PCNX2: variants seen among roughly 807,000 people sequenced by gnomAD.
The protein encoded by PCNX2 is pecanex-like protein 2.
A neutral mutation model predicts 223.8 loss-of-function variants in PCNX2; 168 were observed. The observed-to-expected ratio is 0.75, with a 90% CI of 0.66 to 0.85. The LOEUF (loss-of-function observed/expected upper bound fraction) is 0.85. PCNX2 is among the 40% of genes least tolerant of loss of function. The probability of loss-of-function intolerance (pLI) is 0.00; values close to 1 mark genes in which losing one functional copy is unlikely to be tolerated. For missense variants in PCNX2, 2,507 were observed against 2,675.5 expected (o/e 0.94, Z 1.39); for synonymous variants, 1,006 against 1,052.6 (o/e 0.96, Z 0.86).
chr1:233,075,931 T>A (rs1390035199), intron 23 of PCNX2, among the ~76,000 whole-genome samples: 2 of 152,202 alleles, frequency 1.3e-5, no homozygotes, highest in Admixed American at 1.3e-4. Flanking sequence ...ATTCATTCAG[T>A]GGAAAGTCAT....
At chr1:233,053,653 AG>A (rs1009344469) in intron 25 of PCNX2, among the ~76,000 whole-genome samples, 5 of 152,242 alleles carry the variant, frequency 3.3e-5, no homozygotes, top group African/African-American at 9.6e-5. Context: ...AGAAGGCAAC[AG>A]GTACATCACT....
intron 25 of PCNX2, among the ~76,000 whole-genome samples, chr1:233,029,548 T>C (rs1009818768): frequency 2.0e-5 from 3 of 150,458 alleles, no homozygotes; most frequent in Admixed American, 2.0e-4. Context: ...GCCTGAAGAA[T>C]GCCTTTTAAA....
chr1:233,200,260 A>C lies in PCNX2; in HGVS notation c.2868T>G (p.Phe956Leu). The C allele has an allele frequency of 6.4e-7, 1 of 1,560,718 alleles. No homozygotes were observed. The highest frequency in any genetic ancestry group is 1.2e-5 in the South Asian group (1 of 84,598). Reference sequence around the variant, plus strand: ...GGGAAATAGCAGGGAAGCAATATAAAAATACTGAAAATGAACAAACAAAAT... The same window carrying C: ...GGGAAATAGCAGGGAAGCAATATAACAATACTGAAAATGAACAAACAAAAT... ...LQSARDYLIV[F>L]LYCFPAISLL... Residue 956 changes from phenylalanine to leucine, a missense_variant, in exon 14 of 34, where the codon TTT (phenylalanine) becomes TTG (leucine). Phe to Leu is a conservative substitution (Grantham distance 22). Transcript: ENST00000258229.
intron 19 of PCNX2, among the ~76,000 whole-genome samples, chr1:233,142,528 A>T (rs1028274284): frequency 6.6e-6 from 1 of 152,152 alleles, no homozygotes; most frequent in Non-Finnish European, 1.5e-5. Context: ...GCAAGATCCC[A>T]GTCTTCTCTG....
intron 22 of PCNX2, among the ~76,000 whole-genome samples, chr1:233,094,226 G>GC (rs1674031639): frequency 6.6e-6 from 1 of 152,126 alleles, no homozygotes; most frequent in African/African-American, 2.4e-5. Flanking sequence ...CAACAAATTT[G>GC]CATTAATCTA....
chr1:233,080,221 G>T (rs1005294692), intron 23 of PCNX2, among the ~76,000 whole-genome samples: 42 of 151,654 alleles, frequency 2.8e-4, no homozygotes, highest in Non-Finnish European at 4.9e-4. Flanking sequence ...ATGATTTTTT[G>T]GGGGGGCTGG....
intron 26 of PCNX2, among the ~76,000 whole-genome samples, chr1:233,018,224 T>C (rs919168911): frequency 8.6e-5 from 13 of 151,980 alleles, no homozygotes; most frequent in Admixed American, 4.6e-4. Flanking sequence ...AGACAGGATC[T>C]TGTTGCCCAG....
At chr1:233,313,130 G>A in the PCNX2 span, among the ~76,000 whole-genome samples, 1 of 152,200 alleles carries the variant, frequency 6.6e-6, no homozygotes, top group South Asian at 2.1e-4. Context: ...ATATGATTCT[G>A]TTTATATGAA....
rs1265921948 is a variant in PCNX2, at chr1:233,295,301, C to T, written c.153+25G>A. On this transcript the variant is annotated intron_variant, in intron 1 of 33. Transcript: ENST00000258229. The surrounding 1 kb of genome is among the most constrained non-coding windows in gnomAD (Gnocchi z 4.1). ...TTCTTCCCTCCATACCCACAGCTCC[C>T]CGGGACCGGACCCTCCCCACTCACC... The T allele has an allele frequency of 1.3e-6, 2 of 1,569,538 alleles. No individual in the cohort carries two copies. The highest frequency in any genetic ancestry group is 8.6e-7 in the Non-Finnish European group (1 of 1,157,054).
At chr1:232,987,277 G>T (rs539216189) in intron 32 of PCNX2, among the ~76,000 whole-genome samples, 1 of 152,344 alleles carries the variant, frequency 6.6e-6, no homozygotes, top group South Asian at 2.1e-4. Context: ...CAAAGATGTG[G>T]TTGTGTCCAT....
In PCNX2 at chr1:233,159,759, C is replaced by G. The variant is rs557367695; in HGVS notation, c.3517+524G>C. Among the ~76,000 whole-genome samples, 4 of 152,284 alleles carry G rather than the reference C, an allele frequency of 2.6e-5. No individual in the cohort carries two copies. In the South Asian group the frequency reaches 8.3e-4, roughly 32 times the overall value. The stretch of plus-strand genomic sequence containing the variant: ...TTACATGATCATGGCCAGAGACACC[C>G]ATGGAAATTGCCAAGTCAACCACGT... On this transcript the variant is annotated intron_variant, in intron 19 of 33. Coordinates refer to ENST00000258229, the MANE Select transcript of PCNX2 (RefSeq NM_014801.4).
Position 233,288,754 on chromosome 1 carries a change from G to A in PCNX2, c.153+6572C>T. The A allele has an allele frequency of 4.9e-6, 3 of 616,250 alleles. 1 individual carries two copies. The South Asian group carries it at 6.6e-5, about 14-fold the overall frequency. 38.2% of individuals were successfully genotyped at this position (616,250 alleles called of 1,614,324 possible). ...GGATGGCATTCAGCCCAAATCTGGA[G>A]GGACTGAGTCTGTAGTTCTTTTGGA... On this transcript the variant is annotated intron_variant, in intron 1 of 33. Transcript: ENST00000258229.
At chr1:233,019,700 A>C (rs1670807407) in intron 26 of PCNX2, among the ~76,000 whole-genome samples, 1 of 152,056 alleles carries the variant, frequency 6.6e-6, no homozygotes, top group Admixed American at 6.6e-5. Flanking sequence ...GGAGAGGTTG[A>C]GGCAGAGGGG....
At chr1:233,183,850 G>A (rs1160117970) in intron 15 of PCNX2, among the ~76,000 whole-genome samples, 1 of 152,198 alleles carries the variant, frequency 6.6e-6, no homozygotes, top group Non-Finnish European at 1.5e-5. Context: ...GCATTTAAGT[G>A]GATCCCTGCA....
intron 17 of PCNX2, among the ~76,000 whole-genome samples, chr1:233,165,305 A>G (rs1019089149): frequency 1.3e-5 from 2 of 152,180 alleles, no homozygotes; most frequent in Admixed American, 6.5e-5. Flanking sequence ...TAGTGAATAT[A>G]TGCCTCCTAG....
Position 233,000,189 on chromosome 1 carries a change from G to T in PCNX2, c.5328+116C>A. On this transcript the variant is annotated intron_variant, in intron 30 of 33. Transcript: ENST00000258229. This position sits in a 1 kb window ranked among gnomAD's most constrained non-coding sequence, Gnocchi z 4.6. ...TCCTTCCAGAACATCCCTCTGAACA[G>T]AGGATGCTGGCACAGAGACTCCTGT... 9.6e-7 allele frequency: 1 copy of T among 1,045,920 alleles called. No homozygotes were observed. 64.8% of individuals were successfully genotyped at this position (1,045,920 alleles called of 1,614,324 possible). A position where few individuals can be genotyped will look rare whatever the true frequency, so the allele number is the denominator to read the frequency against.
At position 233,199,842 on chromosome 1, in the gene PCNX2, TCA is replaced by T. The variant is rs1680956920; in HGVS notation, c.2974+310_2974+311del. ...CACACTTATATCCACTCACACATGC[TCA>T]CACACATTCACACACGGAGTGTTTT... is the stretch of plus-strand genomic sequence containing the variant. On this transcript the variant is annotated intron_variant, in intron 14 of 33. Coordinates refer to ENST00000258229, the MANE Select transcript of PCNX2 (RefSeq NM_014801.4). 4.0e-5 allele frequency among the ~76,000 whole-genome samples: 6 copies of T among 151,812 alleles called. No homozygotes were observed. The South Asian group carries it at 1.2e-3, about 32-fold the overall frequency.
chr1:232,988,523 A>G (rs1160915534), intron 32 of PCNX2, among the ~76,000 whole-genome samples: 1 of 152,086 alleles, frequency 6.6e-6, no homozygotes, highest in African/African-American at 2.4e-5. Flanking sequence ...AATTTAACTT[A>G]TTTTGCAAAT....
At chr1:233,127,503 C>T (rs1328342927) in intron 21 of PCNX2, among the ~76,000 whole-genome samples, 1 of 152,082 alleles carries the variant, frequency 6.6e-6, no homozygotes, top group African/African-American at 2.4e-5. Context: ...GCTCCTGAAA[C>T]TCTACCACTA....
Sources: allele counts gnomAD v4.1 joint callset (sites outside exome capture counted in the v4.1 genomes callset), GRCh38; gene constraint gnomAD v4.1.1; non-coding constraint Gnocchi (gnomAD v3.1); transcripts MANE v1.5; gene names NCBI Gene and HGNC (gene_info 2026-07-23, HGNC 2026-07-21).